SOX5: variants seen among roughly 807,000 people sequenced by gnomAD.
SOX5 encodes the protein SRY-box transcription factor 5.
Under a neutral mutation model 92.0 loss-of-function variants are expected in SOX5, and 9 were observed. That is an observed-to-expected ratio of 0.10 (90% CI 0.06 to 0.17). The LOEUF is 0.17. SOX5 is among the 10% of genes least tolerant of loss of function. SOX5 has a pLI of 1.00. For synonymous variants in SOX5, 344 were observed against 336.3 expected, an observed-to-expected ratio of 1.02 and a Z score of -0.25; for missense variants, 642 against 944.5, an observed-to-expected ratio of 0.68 and a Z score of 4.20.
chr12:23,666,075 G>A (rs1257146264), intron 6 of SOX5, among the ~76,000 whole-genome samples: 1 of 150,752 alleles, frequency 6.6e-6, no homozygotes, highest in Non-Finnish European at 1.5e-5. Context: ...TACAGTAATC[G>A]ACCTGGAAGA....
At chr12:23,748,683 G>A (rs1030701237) in intron 4 of SOX5, among the ~76,000 whole-genome samples, 4 of 151,994 alleles carry the variant, frequency 2.6e-5, no homozygotes, top group African/African-American at 7.2e-5. Flanking sequence ...GTGAAAATCT[G>A]TGCCAGGGTG....
intron 4 of SOX5, among the ~76,000 whole-genome samples, chr12:24,100,755 C>T (rs145245590): frequency 8.7e-4 from 133 of 152,170 alleles, no homozygotes; most frequent in African/African-American, 3.0e-3. Context: ...AACAGAGCGC[C>T]CAGAACTCTT....
Position 24,517,209 on chromosome 12 carries a change from C to G in SOX5, c.-251+45120G>C, listed in dbSNP as rs532279854. Reference sequence around the variant, plus strand: ...TCTATCCCCCTTTCCCTTGCTGCCTCTTGACCAAAGAGGAAACATTGTGAA... The same window carrying G: ...TCTATCCCCCTTTCCCTTGCTGCCTGTTGACCAAAGAGGAAACATTGTGAA... On this transcript the variant is annotated intron_variant, in intron 1 of 4. Transcript: ENST00000446891. 1.1e-4 allele frequency among the ~76,000 whole-genome samples: 16 copies of G among 152,290 alleles called. No homozygotes were observed. The South Asian group carries it at 3.3e-3, about 32-fold the overall frequency.
At chr12:23,863,121 AC>A (rs1413844426) in intron 2 of SOX5, among the ~76,000 whole-genome samples, 1 of 152,156 alleles carries the variant, frequency 6.6e-6, no homozygotes, top group Non-Finnish European at 1.5e-5. Context: ...CAATTTGAAT[AC>A]TGCGAATTTT....
At chr12:24,048,458 A>G (rs141154869) in intron 4 of SOX5, among the ~76,000 whole-genome samples, 2 of 152,308 alleles carry the variant, frequency 1.3e-5, no homozygotes, top group East Asian at 1.9e-4. Flanking sequence ...ACATAGAGCT[A>G]CTAAATGACC....
intron 3 of SOX5, among the ~76,000 whole-genome samples, chr12:24,232,436 G>A (rs1963589308): frequency 6.6e-6 from 1 of 152,160 alleles, no homozygotes; most frequent in Non-Finnish European, 1.5e-5. Context: ...GACACAAAGA[G>A]AAGCATACTA....
At chr12:24,280,899 G>A (rs1440587511) in intron 2 of SOX5, among the ~76,000 whole-genome samples, 1 of 149,782 alleles carries the variant, frequency 6.7e-6, no homozygotes, top group Non-Finnish European at 1.5e-5. Context: ...TCTACATTTA[G>A]TATTTTTATG....
At chr12:23,728,938 A>T (rs1283100390) in intron 6 of SOX5, among the ~76,000 whole-genome samples, 2 of 152,156 alleles carry the variant, frequency 1.3e-5, no homozygotes, top group Non-Finnish European at 2.9e-5. Context: ...GGTCTAAATA[A>T]AGCCTTTCTA....
chr12:24,176,316 G>A lies in SOX5; in HGVS notation c.-2+37027C>T, dbSNP rs114517437. Among the ~76,000 whole-genome samples the A allele has an allele frequency of 5.0e-3, 758 of 152,022 alleles. 8 individuals carry two copies. The highest frequency in any genetic ancestry group is 0.017 in the African/African-American group (691 of 41,454). Reference sequence around the variant, plus strand: ...TGCACTCCAGCCTGGGTAACAGGACGAGACCCTGTTTTGGGGAAGAAAAAA... The same window carrying A: ...TGCACTCCAGCCTGGGTAACAGGACAAGACCCTGTTTTGGGGAAGAAAAAA... On this transcript the variant is annotated intron_variant, in intron 4 of 4. Transcript: ENST00000446891.
At chr12:23,655,331 T>C (rs953354928) in intron 7 of SOX5, among the ~76,000 whole-genome samples, 6 of 152,242 alleles carry the variant, frequency 3.9e-5, no homozygotes, top group Non-Finnish European at 7.4e-5. Flanking sequence ...CATTTTAAGC[T>C]GCTTAACAAG....
chr12:23,826,395 G>C (rs898804881), intron 3 of SOX5, among the ~76,000 whole-genome samples: 1 of 152,136 alleles, frequency 6.6e-6, no homozygotes, highest in African/African-American at 2.4e-5. Flanking sequence ...ACAACGGCTT[G>C]TCCTATTGCA....
intron 4 of SOX5, among the ~76,000 whole-genome samples, chr12:23,975,020 A>G (rs1948752848): frequency 1.3e-5 from 2 of 152,072 alleles, no homozygotes; most frequent in African/African-American, 4.8e-5. Flanking sequence ...AAAATAAATC[A>G]CTTCTTTTTC....
At chr12:24,517,754 T>G (rs192357937) in intron 1 of SOX5, among the ~76,000 whole-genome samples, 30 of 151,462 alleles carry the variant, frequency 2.0e-4, no homozygotes, top group African/African-American at 7.0e-4. Flanking sequence ...CAGCAACAGG[T>G]AGGTAAGCTT....
intron 2 of SOX5, among the ~76,000 whole-genome samples, chr12:24,358,964 C>A (rs1025134634): frequency 1.3e-5 from 2 of 152,080 alleles, no homozygotes; most frequent in African/African-American, 4.8e-5. Flanking sequence ...TATATCTATC[C>A]CCACTTCTCA....
chr12:23,674,741 T>C (rs1433328677), intron 6 of SOX5, among the ~76,000 whole-genome samples: 2 of 152,040 alleles, frequency 1.3e-5, no homozygotes, highest in Non-Finnish European at 2.9e-5. Flanking sequence ...TTATATTGTG[T>C]CTTATTTTGC....
chr12:24,524,375 CTAT>C (rs1349693098), intron 1 of SOX5, among the ~76,000 whole-genome samples: 14 of 152,100 alleles, frequency 9.2e-5, no homozygotes, highest in African/African-American at 2.4e-4. Context: ...ATCTATCTAT[CTAT>C]CTATCTATCC....
At chr12:23,826,857 A>C (rs9971729) in intron 3 of SOX5, among the ~76,000 whole-genome samples, 92,874 of 151,994 alleles carry the variant, frequency 0.61, 28,583 homozygotes, top group East Asian at 0.84. Flanking sequence ...AGCATAACTT[A>C]TCCGAAAAGA....
chr12:24,092,310 AT>A (rs11285782), intron 4 of SOX5, among the ~76,000 whole-genome samples: 54,037 of 150,162 alleles, frequency 0.36, 10,404 homozygotes, highest in East Asian at 0.62. Context: ...ATGCTGCGGA[AT>A]TTTTTTTTTT....
chr12:23,638,599 G>A (rs1369098110), intron 8 of SOX5: 1 of 152,146 alleles, frequency 6.6e-6, no homozygotes, highest in South Asian at 2.1e-4. Context: ...AGGCATTGTA[G>A]TTAGCTTTTC....
Sources: allele counts gnomAD v4.1 joint callset (sites outside exome capture counted in the v4.1 genomes callset), GRCh38; gene constraint gnomAD v4.1.1; transcripts MANE v1.5; gene names NCBI Gene and HGNC (gene_info 2026-07-23, HGNC 2026-07-21).